CTNNA3: variants seen among roughly 807,000 people sequenced by gnomAD.
CTNNA3 encodes the protein catenin alpha 3, also known as catenin alpha-3.
A neutral mutation model predicts 95.7 loss-of-function variants in CTNNA3; 76 were observed. The observed-to-expected ratio is 0.79, with a 90% CI of 0.66 to 0.96. CTNNA3 has a LOEUF of 0.96. Ranked by LOEUF, CTNNA3 falls within the 40% of genes least tolerant of loss-of-function variation. The pLI is 0.00. For synonymous variants in CTNNA3, 431 were observed against 374.4 expected, an observed-to-expected ratio of 1.15 and a Z score of -1.74; for missense variants, 1,191 against 1,089.8, an observed-to-expected ratio of 1.09 and a Z score of -1.31.
At chr10:66,116,130 G>T (rs1478749858) in intron 13 of CTNNA3, among the ~76,000 whole-genome samples, 3 of 152,162 alleles carry the variant, frequency 2.0e-5, no homozygotes, top group African/African-American at 7.2e-5. Context: ...AAAACTAAAA[G>T]GCCTATTTGT....
chr10:65,974,651 T>A (rs1452567064), intron 16 of CTNNA3, among the ~76,000 whole-genome samples: 1 of 152,138 alleles, frequency 6.6e-6, no homozygotes, highest in Non-Finnish European at 1.5e-5. Context: ...CTATGCTCAC[T>A]ACCTGGGTGA....
chr10:67,056,670 G>T (rs994284153), intron 7 of CTNNA3, among the ~76,000 whole-genome samples: 1 of 152,020 alleles, frequency 6.6e-6, no homozygotes, highest in East Asian at 1.9e-4. Context: ...AAACCCAACA[G>T]TCCTCCACCC....
chr10:66,737,665 T>C (rs1849189360), intron 9 of CTNNA3, among the ~76,000 whole-genome samples: 1 of 118,492 alleles, frequency 8.4e-6, no homozygotes, highest in Non-Finnish European at 1.8e-5. Flanking sequence ...AAAGTTGTAC[T>C]TTTTTTTTTT....
intron 12 of CTNNA3, among the ~76,000 whole-genome samples, chr10:66,313,317 A>G (rs1251222022): frequency 1.3e-5 from 2 of 152,196 alleles, no homozygotes; most frequent in African/African-American, 4.8e-5. Flanking sequence ...TCTGTTTCAC[A>G]GTGTTTGGGG....
rs368732186 is a variant in CTNNA3 at position 66,422,196 on chromosome 10, C to A, written c.1532-42844G>T. ...TAAGTAACTTATTCTGCTTTAGTTA[C>A]AATCAATGACTTTTGCAGCAATTTT... On this transcript the variant is annotated intron_variant, in intron 11 of 17. Coordinates refer to ENST00000433211, the MANE Select transcript of CTNNA3 (RefSeq NM_013266.4). 3.3e-5 allele frequency among the ~76,000 whole-genome samples: 5 copies of A among 151,990 alleles called. No individual in the cohort carries two copies. The East Asian group carries it at 9.6e-4, about 29-fold the overall frequency.
chr10:66,153,470 GGA>G (rs2133911056), intron 13 of CTNNA3, among the ~76,000 whole-genome samples: 1 of 151,986 alleles, frequency 6.6e-6, no homozygotes, highest in South Asian at 2.1e-4. Flanking sequence ...GCCTATGGAG[GGA>G]GACAGCCAAA....
intron 6 of CTNNA3, among the ~76,000 whole-genome samples, chr10:67,182,417 G>A (rs1862599943): frequency 6.6e-6 from 1 of 152,104 alleles, no homozygotes; most frequent in Non-Finnish European, 1.5e-5. Flanking sequence ...TGACAAACCT[G>A]AGAAAAACAA....
chr10:67,460,470 C>A (rs1847334240), intron 5 of CTNNA3, among the ~76,000 whole-genome samples: 1 of 152,012 alleles, frequency 6.6e-6, no homozygotes, highest in Non-Finnish European at 1.5e-5. Flanking sequence ...GACAATCCAG[C>A]TTTTCTATCT....
chr10:66,275,202 C>T (rs557327768), intron 13 of CTNNA3, among the ~76,000 whole-genome samples: 2 of 152,288 alleles, frequency 1.3e-5, no homozygotes, highest in African/African-American at 4.8e-5. Context: ...ACTGCAACCT[C>T]TGCCTCCCAG....
intron 10 of CTNNA3, among the ~76,000 whole-genome samples, chr10:66,618,442 G>GA (rs1291476362): frequency 2.0e-5 from 3 of 152,028 alleles, no homozygotes; most frequent in African/African-American, 4.8e-5. Flanking sequence ...ACAAACCTGA[G>GA]AAAAACAAGA....
intron 2 of CTNNA3, among the ~76,000 whole-genome samples, chr10:67,638,931 A>C (rs547967011): frequency 6.6e-6 from 1 of 152,334 alleles, no homozygotes; most frequent in South Asian, 2.1e-4. Context: ...TGACACCCTA[A>C]CATCACAATT....
chr10:67,688,917 A>G (rs567194671), intron 1 of CTNNA3, among the ~76,000 whole-genome samples: 2 of 152,310 alleles, frequency 1.3e-5, no homozygotes, highest in Admixed American at 1.3e-4. Flanking sequence ...CAGAAACACT[A>G]GTTTTCCTCT....
intron 13 of CTNNA3, among the ~76,000 whole-genome samples, chr10:66,167,492 T>TGG (rs1564721741): frequency 6.6e-5 from 10 of 152,188 alleles, no homozygotes; most frequent in Non-Finnish European, 1.2e-4. Context: ...CTTTTGAAGT[T>TGG]CCTACTTAGA....
intron 9 of CTNNA3, among the ~76,000 whole-genome samples, chr10:66,711,258 C>CAAAA (rs56013857): frequency 0.019 from 2,239 of 118,022 alleles, 75 homozygotes; most frequent in East Asian, 0.17. Context: ...GAACAAGAAA[C>CAAAA]AAAAAAAAAA....
At chr10:66,427,011 T>C (rs2093248354) in intron 11 of CTNNA3, among the ~76,000 whole-genome samples, 1 of 152,102 alleles carries the variant, frequency 6.6e-6, no homozygotes, top group Non-Finnish European at 1.5e-5. Context: ...ACTTTGTCTA[T>C]TAATTTCTTT....
chr10:66,591,623 C>G (rs151013059), intron 10 of CTNNA3, among the ~76,000 whole-genome samples: 266 of 152,174 alleles, frequency 1.7e-3, no homozygotes, highest in African/African-American at 5.8e-3. Flanking sequence ...CCATCTTTAG[C>G]TAACTCTCAG....
At chr10:66,813,652 G>A (rs1263532307) in intron 7 of CTNNA3, among the ~76,000 whole-genome samples, 1 of 152,094 alleles carries the variant, frequency 6.6e-6, no homozygotes, top group Non-Finnish European at 1.5e-5. Context: ...ATACTGTACT[G>A]GGAATGAATT....
intron 13 of CTNNA3, among the ~76,000 whole-genome samples, chr10:66,193,121 T>A (rs1432728326): frequency 2.0e-5 from 3 of 152,112 alleles, no homozygotes; most frequent in African/African-American, 7.2e-5. Context: ...GAAGGTACAA[T>A]GAAAAGAGGG....
chr10:66,039,686 A>T (rs1290789363), intron 15 of CTNNA3, among the ~76,000 whole-genome samples: 1 of 152,174 alleles, frequency 6.6e-6, no homozygotes, highest in Non-Finnish European at 1.5e-5. Flanking sequence ...TGTGCAGAAG[A>T]TTGAAACTGG....
Sources: gnomAD v4.1 joint callset for allele counts (sites outside exome capture counted in the v4.1 genomes callset) on GRCh38, gnomAD v4.1.1 for gene constraint, MANE v1.5 for transcripts, NCBI Gene and HGNC (gene_info 2026-07-23, HGNC 2026-07-21) for gene names.